Variants in KIRREL3 observed in about 807,000 individuals in gnomAD.
KIRREL3 encodes the protein kirre like nephrin family adhesion molecule 3.
A neutral mutation model predicts 89.7 loss-of-function variants in KIRREL3; 36 were observed. That is an observed-to-expected ratio of 0.40 (90% CI 0.31 to 0.53). KIRREL3 has a LOEUF of 0.53. Among genes scored for constraint, KIRREL3 ranks in the 20% least tolerant of loss-of-function variants. The pLI is 0.49. For missense variants in KIRREL3, 864 were observed against 1,056.6 expected (o/e 0.82, Z 2.53); for synonymous variants, 445 against 441.4 (o/e 1.01, Z -0.10).
intron 1 of KIRREL3, among the ~76,000 whole-genome samples, chr11:126,774,164 CTT>C (rs5795521): frequency 0.5 from 68,063 of 137,124 alleles, 16,910 homozygotes; most frequent in African/African-American, 0.64. Flanking sequence ...GAGAGTAAAG[CTT>C]TTTTTTTTTT....
chr11:126,484,485 C>A lies in KIRREL3; in HGVS notation c.434-11019G>T, dbSNP rs969007380. 4.6e-5 allele frequency among the ~76,000 whole-genome samples: 7 copies of A among 152,170 alleles called. No homozygotes were observed. Among genetic ancestry groups the A allele is most frequent in the African/African-American group, 1.4e-4 (6 of 41,434 alleles). ...GCATATTTTGGAGGTGAGGAAACAG[C>A]CACAAAGTAGTCAAGTTACTTGCCC... On this transcript the variant is annotated intron_variant, in intron 4 of 16. Coordinates refer to ENST00000525144, the MANE Select transcript of KIRREL3 (RefSeq NM_032531.4). This position sits in a 1 kb window ranked among gnomAD's most constrained non-coding sequence, Gnocchi z 5.2.
At chr11:126,465,234 C>G (rs1239087679) in intron 5 of KIRREL3, among the ~76,000 whole-genome samples, 2 of 152,220 alleles carry the variant, frequency 1.3e-5, no homozygotes, top group African/African-American at 2.4e-5. Context: ...TCCCTCAAAA[C>G]CTCCCATAAA....
rs1339365287 is a variant in KIRREL3 at position 126,876,318 on chromosome 11, C to A, written c.55+124137G>T. Among the ~76,000 whole-genome samples, 1 of 152,138 alleles carries A rather than the reference C, an allele frequency of 6.6e-6. No individual in the cohort carries two copies. Among genetic ancestry groups the A allele is most frequent in the African/African-American group, 2.4e-5 (1 of 41,430 alleles). ...CGATCTCTAGACTCAGTTTCTCAGC[C>A]TGAAGGCACGGACTACAGAAAGGGA... On this transcript the variant is annotated intron_variant, in intron 1 of 16. Transcript: ENST00000525144. The surrounding 1 kb of genome is among the most constrained non-coding windows in gnomAD (Gnocchi z 4.1).
intron 1 of KIRREL3, among the ~76,000 whole-genome samples, chr11:126,836,015 G>A (rs1943768861): frequency 6.6e-6 from 1 of 152,176 alleles, no homozygotes; most frequent in African/African-American, 2.4e-5. Flanking sequence ...ATTGATACCA[G>A]GAAAGTAACA....
chr11:126,849,560 C>T (rs1429387115), intron 1 of KIRREL3, among the ~76,000 whole-genome samples: 1 of 152,178 alleles, frequency 6.6e-6, no homozygotes, highest in Non-Finnish European at 1.5e-5. Context: ...CCGATGGCCA[C>T]CTGCTCAGGT....
At chr11:126,823,782 A>G (rs1943306331) in intron 1 of KIRREL3, among the ~76,000 whole-genome samples, 1 of 152,230 alleles carries the variant, frequency 6.6e-6, no homozygotes, top group South Asian at 2.1e-4. Context: ...GACAAGTCTG[A>G]AAGGAAAACA....
Position 126,622,491 on chromosome 11 carries a change from C to T in KIRREL3, c.56-59579G>A, listed in dbSNP as rs1943613095. Reference sequence around the variant, plus strand: ...AGCAATTGTGTCCCAAGATCTGACACACTCTTATCAGGGCCCCAGCAAATA... The same window carrying T: ...AGCAATTGTGTCCCAAGATCTGACATACTCTTATCAGGGCCCCAGCAAATA... On this transcript the variant is annotated intron_variant, in intron 1 of 16. Coordinates refer to ENST00000525144, the MANE Select transcript of KIRREL3 (RefSeq NM_032531.4). This position sits in a 1 kb window ranked among gnomAD's most constrained non-coding sequence, Gnocchi z 5.2. Among the ~76,000 whole-genome samples the T allele has an allele frequency of 6.6e-6, 1 of 152,166 alleles. No homozygotes were observed.
Position 126,501,013 on chromosome 11 carries a change from G to A in KIRREL3, c.433+20302C>T, listed in dbSNP as rs566864917. Among the ~76,000 whole-genome samples, 135 of 152,280 alleles carry A rather than the reference G, an allele frequency of 8.9e-4. 4 individuals carry two copies. The South Asian group carries it at 0.026, about 29-fold the overall frequency. On this transcript the variant is annotated intron_variant, in intron 4 of 16. Coordinates refer to ENST00000525144, the MANE Select transcript of KIRREL3 (RefSeq NM_032531.4). The surrounding 1 kb of genome is among the most constrained non-coding windows in gnomAD (Gnocchi z 5.8). ...AAATGTCAGCCTTTCCCCTTCTGAC[G>A]CCCTCCACCCGCTGCCGAGACATCT... is the stretch of plus-strand genomic sequence containing the variant.
intron 1 of KIRREL3, among the ~76,000 whole-genome samples, chr11:126,923,517 C>T (rs1422083146): frequency 1.4e-5 from 2 of 145,854 alleles, no homozygotes; most frequent in African/African-American, 5.1e-5. Context: ...GATCTCAGCT[C>T]ACTGCAATCT....
chr11:126,946,097 A>G lies in KIRREL3; in HGVS notation c.55+54358T>C, dbSNP rs1192775547. ...TCAGGTAGTCACAAATCCTGACCAG[A>G]ATGGCTGAGATTTCTGAGCTGGAAC... On this transcript the variant is annotated intron_variant, in intron 1 of 16. Transcript: ENST00000525144. This position sits in a 1 kb window ranked among gnomAD's most constrained non-coding sequence, Gnocchi z 4.1. Among the ~76,000 whole-genome samples the G allele has an allele frequency of 6.6e-6, 1 of 152,152 alleles. No homozygotes were observed. The highest frequency in any genetic ancestry group is 1.5e-5 in the Non-Finnish European group (1 of 68,030).
At chr11:126,961,951 A>G (rs560563579) in intron 1 of KIRREL3, among the ~76,000 whole-genome samples, 1 of 152,246 alleles carries the variant, frequency 6.6e-6, no homozygotes, top group Non-Finnish European at 1.5e-5. Flanking sequence ...ATCTGCTTAC[A>G]GGTTAGTTTA....
At chr11:126,560,907 T>C (rs1940072595) in intron 2 of KIRREL3, among the ~76,000 whole-genome samples, 1 of 152,352 alleles carries the variant, frequency 6.6e-6, no homozygotes, top group East Asian at 1.9e-4. Flanking sequence ...CAGAGATTTC[T>C]ATTTCTTGAT....
chr11:126,695,976 G>A (rs1350729597), intron 1 of KIRREL3, among the ~76,000 whole-genome samples: 3 of 152,120 alleles, frequency 2.0e-5, no homozygotes, highest in African/African-American at 4.8e-5. Flanking sequence ...TGGATGAGTC[G>A]GGCGAGGTGG....
rs1051498642 is a variant in KIRREL3 at position 126,734,174 on chromosome 11, T to C, written c.56-171262A>G. Among the ~76,000 whole-genome samples the C allele has an allele frequency of 1.3e-5, 2 of 152,178 alleles. No homozygotes were observed. The highest frequency in any genetic ancestry group is 4.8e-5 in the African/African-American group (2 of 41,452). ...CACTGCACTAATGGAAATCAATTAGTGGATGTAAAGAAAATAGGCATTTCA... is the reference window on the plus strand; with the variant it reads ...CACTGCACTAATGGAAATCAATTAGCGGATGTAAAGAAAATAGGCATTTCA... On this transcript the variant is annotated intron_variant, in intron 1 of 16. Transcript: ENST00000525144. This position sits in a 1 kb window ranked among gnomAD's most constrained non-coding sequence, Gnocchi z 5.9.
In KIRREL3 at chr11:126,535,301, C is replaced by A. The variant is rs992321978; in HGVS notation, c.134-8614G>T. On this transcript the variant is annotated intron_variant, in intron 2 of 16. Coordinates refer to ENST00000525144, the MANE Select transcript of KIRREL3 (RefSeq NM_032531.4). This position sits in a 1 kb window ranked among gnomAD's most constrained non-coding sequence, Gnocchi z 4.5. ...CTGGATGCAGCGCCCTCATCTTAAT[C>A]TCTTTTCTGGGACTCGCAGCACACA... Among the ~76,000 whole-genome samples the A allele has an allele frequency of 6.6e-6, 1 of 152,196 alleles. No homozygotes were observed.
rs1428038564 is a variant in KIRREL3, at chr11:126,999,594, C to T, written c.55+861G>A. On this transcript the variant is annotated intron_variant, in intron 1 of 16. Coordinates refer to ENST00000525144, the MANE Select transcript of KIRREL3 (RefSeq NM_032531.4). This position sits in a 1 kb window ranked among gnomAD's most constrained non-coding sequence, Gnocchi z 5.7. ...AAAAGAGCGGGAAGGAGCCCATGTA[C>T]TTGCCCCTCCAAACTCAATTCCACA... Among the ~76,000 whole-genome samples the T allele has an allele frequency of 6.6e-6, 1 of 152,242 alleles. No homozygotes were observed. The highest frequency in any genetic ancestry group is 2.4e-5 in the African/African-American group (1 of 41,468).
At chr11:126,849,949 G>C (rs551362349) in intron 1 of KIRREL3, among the ~76,000 whole-genome samples, 2 of 106,514 alleles carry the variant, frequency 1.9e-5, no homozygotes, top group Non-Finnish European at 3.9e-5. Flanking sequence ...TCCCAAAATG[G>C]TATGAAAACG....
In KIRREL3 at chr11:126,519,056, G is replaced by A. The variant is rs952124029; in HGVS notation, c.433+2259C>T. Among the ~76,000 whole-genome samples, 3 of 152,218 alleles carry A rather than the reference G, an allele frequency of 2.0e-5. No individual in the cohort carries two copies. The highest frequency in any genetic ancestry group is 4.4e-5 in the Non-Finnish European group (3 of 68,036). ...GGAATTTCACGGAGGGGACCCTGCT[G>A]GGGATCATGGAAACTTCCTCTGCCC... On this transcript the variant is annotated intron_variant, in intron 4 of 16. Coordinates refer to ENST00000525144, the MANE Select transcript of KIRREL3 (RefSeq NM_032531.4). This position sits in a 1 kb window ranked among gnomAD's most constrained non-coding sequence, Gnocchi z 4.3.
intron 1 of KIRREL3, among the ~76,000 whole-genome samples, chr11:126,849,691 G>A (rs1944278026): frequency 6.6e-6 from 1 of 152,166 alleles, no homozygotes; most frequent in Non-Finnish European, 1.5e-5. Flanking sequence ...GGGAGAACGG[G>A]CACTTGATGG....
Sources: allele counts gnomAD v4.1 joint callset (sites outside exome capture counted in the v4.1 genomes callset), GRCh38; gene constraint gnomAD v4.1.1; non-coding constraint Gnocchi (gnomAD v3.1); transcripts MANE v1.5; gene names NCBI Gene and HGNC (gene_info 2026-07-23, HGNC 2026-07-21).